The following COL22A1 variants were observed in gnomAD, a reference collection of about 807,000 sequenced individuals.
The protein encoded by COL22A1 is collagen alpha-1(XXII) chain.
In COL22A1, 221 loss-of-function variants were observed where a neutral mutation model predicts 248.9. The observed-to-expected ratio is 0.89, with a 90% CI of 0.80 to 0.99. The LOEUF (loss-of-function observed/expected upper bound fraction) is 0.99. Ranked by LOEUF, COL22A1 falls within the 50% of genes least tolerant of loss-of-function variation. The probability of loss-of-function intolerance (pLI) is 0.00; values close to 1 mark genes in which losing one functional copy is unlikely to be tolerated. For synonymous variants in COL22A1, 891 were observed against 793.4 expected, an observed-to-expected ratio of 1.12 and a Z score of -2.07; for missense variants, 2,240 against 2,179.0, an observed-to-expected ratio of 1.03 and a Z score of -0.56.
chr8:138,674,301 G>T (rs7010820), intron 41 of COL22A1, among the ~76,000 whole-genome samples: 1 of 152,132 alleles, frequency 6.6e-6, no homozygotes, highest in African/African-American at 2.4e-5. Context: ...CGAGGCAACT[G>T]CATCCCCAGT....
At chr8:138,870,589 G>C (rs527660805) in intron 3 of COL22A1, among the ~76,000 whole-genome samples, 120 of 151,992 alleles carry the variant, frequency 7.9e-4, no homozygotes, top group African/African-American at 2.8e-3. Context: ...AATGGTGTTT[G>C]TGCATGTGTT....
At chr8:138,866,447 T>C (rs1485252014) in intron 3 of COL22A1, among the ~76,000 whole-genome samples, 1 of 152,248 alleles carries the variant, frequency 6.6e-6, no homozygotes, top group Non-Finnish European at 1.5e-5. Context: ...AACTATCTTA[T>C]AGAGATTGTC....
chr8:138,739,479 C>T (rs1008228880), intron 22 of COL22A1, among the ~76,000 whole-genome samples: 11 of 152,208 alleles, frequency 7.2e-5, no homozygotes, highest in African/African-American at 2.7e-4. Flanking sequence ...TGTGTCTTCT[C>T]ACGCTGCCGT....
At chr8:138,850,592 A>G (rs898006624) in intron 3 of COL22A1, among the ~76,000 whole-genome samples, 1 of 152,232 alleles carries the variant, frequency 6.6e-6, no homozygotes, top group Non-Finnish European at 1.5e-5. Flanking sequence ...CACAAGAAAC[A>G]GTAACAAGGT....
chr8:138,763,220 C>G (rs991191094), intron 16 of COL22A1, among the ~76,000 whole-genome samples: 1 of 152,122 alleles, frequency 6.6e-6, no homozygotes, highest in African/African-American at 2.4e-5. Context: ...AACCCCATCT[C>G]TACCAAAAAT....
intron 12 of COL22A1, among the ~76,000 whole-genome samples, chr8:138,781,448 C>A (rs1435097439): frequency 6.6e-6 from 1 of 152,192 alleles, no homozygotes; most frequent in Non-Finnish European, 1.5e-5. Context: ...GCCAGCAGCA[C>A]CCTCCAGGGG....
Position 138,808,502 on chromosome 8 carries a change from C to T in COL22A1, c.1450-690G>A, listed in dbSNP as rs1304489157. Among the ~76,000 whole-genome samples, 4 of 152,084 alleles carry T rather than the reference C, an allele frequency of 2.6e-5. No homozygotes were observed. The East Asian group carries it at 7.7e-4, about 29-fold the overall frequency. ...TTGTTCACTAAAATACAAAAGAGGA[C>T]ATATATGTAAGCTATTTCTAAATGT... is the stretch of plus-strand genomic sequence containing the variant. On this transcript the variant is annotated intron_variant, in intron 9 of 64. Transcript: ENST00000303045.
intron 41 of COL22A1, among the ~76,000 whole-genome samples, chr8:138,667,873 C>A (rs1250516226): frequency 6.6e-6 from 1 of 151,964 alleles, no homozygotes; most frequent in Non-Finnish European, 1.5e-5. Context: ...GTCTTGCCAA[C>A]AACATCAAGC....
chr8:138,859,634 G>T (rs1440333265), intron 3 of COL22A1, among the ~76,000 whole-genome samples: 1 of 152,128 alleles, frequency 6.6e-6, no homozygotes, highest in Non-Finnish European at 1.5e-5. Flanking sequence ...GTGAGGGGGT[G>T]TAGCACACAA....
At position 138,776,070 on chromosome 8, in the gene COL22A1, G is replaced by A. The variant is rs373706579; in HGVS notation, c.1759-60C>T. 905 of 1,563,752 alleles carry A rather than the reference G, an allele frequency of 5.8e-4. 5 individuals carry two copies. The African/African-American group carries it at 0.01, about 18-fold the overall frequency. ...TTAATCTGGCTTCTCTGTGCTCACC[G>A]TGGGGGTGTCCATGGAGAAACTGCC... On this transcript the variant is annotated intron_variant, in intron 15 of 64. Coordinates refer to ENST00000303045, the MANE Select transcript of COL22A1 (RefSeq NM_152888.3).
intron 4 of COL22A1, among the ~76,000 whole-genome samples, chr8:138,835,822 T>C (rs552283407): frequency 2.6e-4 from 30 of 116,350 alleles, no homozygotes; most frequent in African/African-American, 8.5e-4. Context: ...TTTTGTAAAA[T>C]TGGGATAATA....
At chr8:138,636,587 A>G (rs1400376467) in intron 48 of COL22A1, among the ~76,000 whole-genome samples, 155 bp downstream of exon 48, 1 of 146,628 alleles carries the variant, frequency 6.8e-6, no homozygotes, top group Non-Finnish European at 1.5e-5. Flanking sequence ...AGAGTGAACC[A>G]GAGATACCAA....
At chr8:138,848,871 T>C (rs1278815805) in intron 3 of COL22A1, among the ~76,000 whole-genome samples, 1 of 152,016 alleles carries the variant, frequency 6.6e-6, no homozygotes, top group African/African-American at 2.4e-5. Flanking sequence ...GCAGGAGCAG[T>C]AGAAACAAGG....
At chr8:138,848,606 C>G (rs1036902033) in intron 3 of COL22A1, among the ~76,000 whole-genome samples, 1 of 152,114 alleles carries the variant, frequency 6.6e-6, no homozygotes. Context: ...CCCTGGCTCT[C>G]GGCCAAGAGT....
Position 138,709,044 on chromosome 8 carries a change from T to C in COL22A1, c.2518-5697A>G, listed in dbSNP as rs541800915. 3.0e-4 allele frequency among the ~76,000 whole-genome samples: 45 copies of C among 152,320 alleles called. 1 individual carries two copies. The highest frequency in any genetic ancestry group is 8.2e-4 in the African/African-American group (34 of 41,574). The stretch of plus-strand genomic sequence containing the variant: ...CAACAGACACATGAAAAAATGCTCA[T>C]CATTGCTGGTCATCAGAGAAATGCT... On this transcript the variant is annotated intron_variant, in intron 30 of 64. Coordinates refer to ENST00000303045, the MANE Select transcript of COL22A1 (RefSeq NM_152888.3).
rs776786087 is a variant in COL22A1 at position 138,589,337 on chromosome 8, G to A, written c.4797C>T (p.Pro1599=). The A allele has an allele frequency of 1.2e-4, 193 of 1,611,652 alleles. No individual in the cohort carries two copies. Among genetic ancestry groups the A allele is most frequent in the Non-Finnish European group, 1.5e-4 (173 of 1,179,002 alleles). Residue 1599 remains proline, a synonymous_variant, in exon 65 of 65, where the codon CCC becomes CCT. Coordinates refer to ENST00000303045, the MANE Select transcript of COL22A1 (RefSeq NM_152888.3). ...PAGHPGLPGP[P]GPPGQCDPSQ... ...AAGGGTCACATTGGCCTGGGGGACCGGGAGGTCCTGGGAGGCCAGGATGTC... is the reference window on the plus strand; with the variant it reads ...AAGGGTCACATTGGCCTGGGGGACCAGGAGGTCCTGGGAGGCCAGGATGTC...
chr8:138,895,688 A>T (rs143442506), intron 1 of COL22A1, among the ~76,000 whole-genome samples: 1 of 152,186 alleles, frequency 6.6e-6, no homozygotes, highest in African/African-American at 2.4e-5. Context: ...ATAGCAATAT[A>T]CATAACTTTC....
intron 25 of COL22A1, among the ~76,000 whole-genome samples, chr8:138,722,907 T>G (rs1586572179): frequency 5.3e-4 from 43 of 81,682 alleles, no homozygotes; most frequent in East Asian, 1.2e-3. Flanking sequence ...GAGGGAGGTG[T>G]GCAGGGGGAG....
intron 12 of COL22A1, among the ~76,000 whole-genome samples, chr8:138,784,110 T>C (rs1257000795): frequency 3.9e-5 from 6 of 152,210 alleles, no homozygotes; most frequent in Non-Finnish European, 5.9e-5. Context: ...AGATGTTAGT[T>C]GGAGAATCAA....
Sources: gnomAD v4.1 joint callset for allele counts (sites outside exome capture counted in the v4.1 genomes callset) on GRCh38, gnomAD v4.1.1 for gene constraint, MANE v1.5 for transcripts, NCBI Gene and HGNC (gene_info 2026-07-23, HGNC 2026-07-21) for gene names.